Variants in EPHA3 observed in about 807,000 individuals in gnomAD.
EPHA3 encodes the protein ephrin type-A receptor 3.
A neutral mutation model predicts 107.1 loss-of-function variants in EPHA3; 42 were observed. The ratio of observed to expected loss-of-function variants is 0.39; its 90% CI spans 0.31 to 0.51. EPHA3 has a LOEUF of 0.51. EPHA3 is among the 20% of genes least tolerant of loss of function. The pLI is 0.78. For missense variants in EPHA3, 1,183 were observed against 1,211.2 expected (o/e 0.98, Z 0.35); for synonymous variants, 461 against 424.8 (o/e 1.09, Z -1.05).
At chr3:89,288,464 G>C (rs913660815) in intron 3 of EPHA3, among the ~76,000 whole-genome samples, 1 of 151,988 alleles carries the variant, frequency 6.6e-6, no homozygotes, top group Non-Finnish European at 1.5e-5. Context: ...CTATTTTAAG[G>C]TGCCTGTATG....
intron 3 of EPHA3, among the ~76,000 whole-genome samples, chr3:89,293,153 G>A (rs1706256887): frequency 1.3e-5 from 2 of 152,100 alleles, no homozygotes; most frequent in African/African-American, 4.8e-5. Flanking sequence ...CTTTGGTGAA[G>A]AGTCTATTTA....
rs113406839 is a variant in EPHA3 at position 89,196,724 on chromosome 3, T to C, written c.154-13136T>C. 1.9e-3 allele frequency among the ~76,000 whole-genome samples: 282 copies of C among 152,254 alleles called. 2 individuals carry two copies. Among genetic ancestry groups the C allele is most frequent in the African/African-American group, 6.5e-3 (272 of 41,544 alleles). On this transcript the variant is annotated intron_variant, in intron 2 of 16. Transcript: ENST00000336596. ...TTGACATAGTAGTCAAAATTCTACT[T>C]ATGTTTAAATTTCTTCCCTAAATGC... is the stretch of plus-strand genomic sequence containing the variant.
In EPHA3 at chr3:89,209,916, G is replaced by A; in HGVS notation, c.210G>A (p.Val70=). ...EHYTPIRTYQ[V]CNVMDHSQNN... ...ACACACCCATCAGGACTTACCAGGT[G>A]TGCAATGTCATGGACCACAGTCAAA... Residue 70 remains valine (V), a synonymous_variant, in exon 3 of 17, where the codon GTG becomes GTA. Coordinates refer to ENST00000336596, the MANE Select transcript of EPHA3 (RefSeq NM_005233.6). The A allele has an allele frequency of 1.2e-6, 2 of 1,613,648 alleles. No homozygotes were observed. Among genetic ancestry groups the A allele is most frequent in the Middle Eastern group, 1.7e-4 (1 of 6,052 alleles).
intron 1 of EPHA3, among the ~76,000 whole-genome samples, chr3:89,110,888 T>C (rs949545591): frequency 9.2e-5 from 14 of 152,152 alleles, no homozygotes; most frequent in African/African-American, 3.4e-4. Flanking sequence ...AACACTTTTA[T>C]ACATTTATGG....
intron 2 of EPHA3, among the ~76,000 whole-genome samples, chr3:89,142,227 A>G (rs2107018894): frequency 6.6e-6 from 1 of 151,528 alleles, no homozygotes; most frequent in East Asian, 1.9e-4. Context: ...TTTTTCCCCC[A>G]ACGTTCAATT....
rs371307327 is a variant in EPHA3 at position 89,210,351 on chromosome 3, G to A, written c.645G>A (p.Thr215=). The stretch of plus-strand genomic sequence containing the variant: ...AGAATCTGGCTATGTTTCCAGACAC[G>A]GTACCCATGGACTCCCAGTCCCTGG... ...TVKNLAMFPD[T]VPMDSQSLVE... The change falls in exon 3 of 17, where the codon ACG becomes ACA. Residue 215 remains threonine, a synonymous_variant. Coordinates refer to ENST00000336596, the MANE Select transcript of EPHA3 (RefSeq NM_005233.6). 3.5e-5 allele frequency: 56 copies of A among 1,613,540 alleles called. No individual in the cohort carries two copies. The highest frequency in any genetic ancestry group is 4.4e-5 in the Non-Finnish European group (52 of 1,179,818).
chr3:89,386,590 G>A (rs569611551), intron 5 of EPHA3, among the ~76,000 whole-genome samples: 1 of 152,334 alleles, frequency 6.6e-6, no homozygotes, highest in East Asian at 1.9e-4. Context: ...ACCTCTGCAA[G>A]GGCAGTGCAG....
chr3:89,255,372 C>T (rs980849419), intron 3 of EPHA3, among the ~76,000 whole-genome samples: 2 of 152,168 alleles, frequency 1.3e-5, no homozygotes, highest in African/African-American at 4.8e-5. Context: ...TGGGACTTCC[C>T]TTAAATTAGG....
intron 3 of EPHA3, among the ~76,000 whole-genome samples, chr3:89,332,489 A>T (rs1402170999): frequency 2.6e-5 from 4 of 152,254 alleles, no homozygotes; most frequent in African/African-American, 9.6e-5. Context: ...GAAACACTTG[A>T]TCACTTTGTA....
At chr3:89,421,771 G>T (rs149283958) in intron 11 of EPHA3, among the ~76,000 whole-genome samples, 2 of 151,270 alleles carry the variant, frequency 1.3e-5, no homozygotes, top group East Asian at 3.9e-4. Flanking sequence ...ATTTCCTTTA[G>T]ATATAAAACT....
chr3:89,275,977 G>C (rs1324058132), intron 3 of EPHA3, among the ~76,000 whole-genome samples: 1 of 152,026 alleles, frequency 6.6e-6, no homozygotes, highest in Non-Finnish European at 1.5e-5. Context: ...GGGAGTTGCA[G>C]AAGGTGTCTG....
At chr3:89,451,966 G>A (rs1422791525) in intron 15 of EPHA3, among the ~76,000 whole-genome samples, 1 of 151,614 alleles carries the variant, frequency 6.6e-6, no homozygotes, top group East Asian at 1.9e-4. Context: ...GATTAACCAT[G>A]CCTTAGTATC....
intron 2 of EPHA3, among the ~76,000 whole-genome samples, chr3:89,189,725 C>T (rs1705658080): frequency 6.6e-6 from 1 of 152,266 alleles, no homozygotes; most frequent in African/African-American, 2.4e-5. Context: ...CTTTTTATTC[C>T]AAAACAGAAC....
intron 12 of EPHA3, among the ~76,000 whole-genome samples, chr3:89,430,620 T>G (rs771121390): frequency 5.9e-5 from 9 of 152,148 alleles, no homozygotes; most frequent in Non-Finnish European, 1.0e-4. Context: ...GCTTTCTATT[T>G]TGTGACTACA....
chr3:89,382,314 C>T (rs1708526335), intron 5 of EPHA3, among the ~76,000 whole-genome samples: 1 of 151,860 alleles, frequency 6.6e-6, no homozygotes. Context: ...TCATTACCAG[C>T]CTGGCCAACA....
At chr3:89,470,271 T>A (rs1157818963) in intron 15 of EPHA3, among the ~76,000 whole-genome samples, 1 of 152,164 alleles carries the variant, frequency 6.6e-6, no homozygotes, top group Non-Finnish European at 1.5e-5. Context: ...ATATTATATA[T>A]GACTAAATTT....
At chr3:89,120,521 A>T (rs1201814017) in intron 1 of EPHA3, among the ~76,000 whole-genome samples, 4 of 152,238 alleles carry the variant, frequency 2.6e-5, no homozygotes, top group African/African-American at 9.6e-5. Context: ...TTTGTTCCAT[A>T]ATAGTTTTGA....
chr3:89,219,703 G>T (rs11715739), intron 3 of EPHA3, among the ~76,000 whole-genome samples: 18,979 of 25,062 alleles, frequency 0.76, 7,900 homozygotes, highest in Admixed American at 0.8. Context: ...TTTTTTTTTT[G>T]TTTTTTGTTT....
At chr3:89,317,021 C>T (rs1706924873) in intron 3 of EPHA3, among the ~76,000 whole-genome samples, 1 of 151,692 alleles carries the variant, frequency 6.6e-6, no homozygotes, top group African/African-American at 2.4e-5. Context: ...ATCCAACTTA[C>T]CGTACCATAT....
Sources: gnomAD v4.1 joint callset for allele counts (sites outside exome capture counted in the v4.1 genomes callset) on GRCh38, gnomAD v4.1.1 for gene constraint, MANE v1.5 for transcripts, NCBI Gene and HGNC (gene_info 2026-07-23, HGNC 2026-07-21) for gene names.